Variants in PLEKHM1 observed in about 807,000 individuals in gnomAD.
PLEKHM1 encodes pleckstrin homology domain-containing family M member 1.
A neutral mutation model predicts 94.3 loss-of-function variants in PLEKHM1; 28 were observed. That is an observed-to-expected ratio of 0.30 (90% CI 0.22 to 0.41). PLEKHM1 has a LOEUF of 0.41. PLEKHM1 is among the 10% of genes least tolerant of loss of function. PLEKHM1 has a pLI of 1.00. For missense variants in PLEKHM1, 907 were observed against 1,358.6 expected, an observed-to-expected ratio of 0.67 and a Z score of 5.22; for synonymous variants, 424 against 581.2, an observed-to-expected ratio of 0.73 and a Z score of 3.89.
At position 45,475,351 on chromosome 17, in the gene PLEKHM1, G is replaced by C. The variant is rs12452076; in HGVS notation, c.672C>G (p.Ser224=). The part of the protein sequence containing the change: ...LQRKESLDSI[S]HSSGSEDIEV... Reference sequence around the variant, plus strand: ...CGATGTCTTCAGAGCCTGAAGAATGGGAAATGGAATCCAGAGATTCCTTCC... The same window carrying C: ...CGATGTCTTCAGAGCCTGAAGAATGCGAAATGGAATCCAGAGATTCCTTCC... The change falls in exon 4 of 12, where the codon TCC becomes TCG. Residue 224 remains serine, a synonymous_variant. Transcript: ENST00000430334. 0.16 allele frequency: 255,449 copies of C among 1,613,056 alleles called. 22,931 individuals are homozygous for C. Among genetic ancestry groups the C allele is most frequent in the Middle Eastern group, 0.2 (1,179 of 6,028 alleles).
chr17:45,484,463 C>T (rs1383594952), intron 1 of PLEKHM1, among the ~76,000 whole-genome samples: 1 of 152,202 alleles, frequency 6.6e-6, no homozygotes, highest in Non-Finnish European at 1.5e-5. Flanking sequence ...CTTTTTCAGC[C>T]AATTGCCAAT....
In PLEKHM1 at chr17:45,458,850, C is replaced by T. The variant is rs977924727; in HGVS notation, c.1309-411G>A. Among the ~76,000 whole-genome samples the T allele has an allele frequency of 1.8e-4, 27 of 150,100 alleles. 1 individual carries two copies. Among genetic ancestry groups the T allele is most frequent in the South Asian group, 6.4e-4 (3 of 4,676 alleles). On this transcript the variant is annotated intron_variant, in intron 5 of 11. Transcript: ENST00000430334. ...ATTAACCCACTTAAAGTATGTAATTCGGCCAGCCATGGTGGCTCACACCTG... is the reference window on the plus strand; with the variant it reads ...ATTAACCCACTTAAAGTATGTAATTTGGCCAGCCATGGTGGCTCACACCTG...
At position 45,450,760 on chromosome 17, in the gene PLEKHM1, C is replaced by T; in HGVS notation, c.2501G>A (p.Cys834Tyr). Reference protein sequence around the residue: ...LDSQGCFCAGCSRQIGFSFVR... With the variant: ...LDSQGCFCAGYSRQIGFSFVR... Reference sequence around the variant, plus strand: ...AAAGGAGAAGCCGATCTGCCGGGAGCAGCCTGGGGAGATGGGTGGAGAGTG... The same window carrying T: ...AAAGGAGAAGCCGATCTGCCGGGAGTAGCCTGGGGAGATGGGTGGAGAGTG... Residue 834 changes from cysteine to tyrosine, a missense_variant, in exon 8 of 12, where the codon TGC becomes TAC. By Grantham distance (194) the Cys-to-Tyr change is radical. Coordinates refer to ENST00000430334, the MANE Select transcript of PLEKHM1 (RefSeq NM_014798.3). The T allele has an allele frequency of 2.0e-6, 3 of 1,536,252 alleles. No individual in the cohort carries two copies. Among genetic ancestry groups the T allele is most frequent in the Non-Finnish European group, 2.7e-6 (3 of 1,131,174 alleles).
chr17:45,462,140 C>T (rs2051170487), intron 5 of PLEKHM1, among the ~76,000 whole-genome samples: 1 of 152,168 alleles, frequency 6.6e-6, no homozygotes, highest in Non-Finnish European at 1.5e-5. Flanking sequence ...TGCTACACGA[C>T]TCCTCAAGCC....
intron 1 of PLEKHM1, among the ~76,000 whole-genome samples, chr17:45,486,133 C>T (rs1258554972): frequency 2.0e-5 from 3 of 148,432 alleles, no homozygotes; most frequent in East Asian, 2.0e-4. Context: ...AGGAGAATGG[C>T]GTGAACCTGG....
At chr17:45,483,563 C>A (rs1250850509) in intron 1 of PLEKHM1, among the ~76,000 whole-genome samples, 1 of 152,094 alleles carries the variant, frequency 6.6e-6, no homozygotes, top group Non-Finnish European at 1.5e-5. Flanking sequence ...AAACAAATCT[C>A]TAGCCAACTC....
At position 45,453,199 on chromosome 17, in the gene PLEKHM1, C is replaced by T; in HGVS notation, c.2497+156G>A. 1.5e-6 allele frequency: 1 copy of T among 682,198 alleles called. No individual in the cohort carries two copies. The highest frequency in any genetic ancestry group is 2.7e-6 in the Non-Finnish European group (1 of 372,778). 42.3% of individuals were successfully genotyped at this position (682,198 alleles called of 1,614,324 possible). Reference sequence around the variant, plus strand: ...GGCCCCAGCCGGGGCTGGGGAGGAGCAGAAGCTGTAGGGCAAGCCTGATCT... The same window carrying T: ...GGCCCCAGCCGGGGCTGGGGAGGAGTAGAAGCTGTAGGGCAAGCCTGATCT... On this transcript the variant is annotated intron_variant, in intron 7 of 11. Coordinates refer to ENST00000430334, the MANE Select transcript of PLEKHM1 (RefSeq NM_014798.3). The surrounding 1 kb of genome is among the most constrained non-coding windows in gnomAD (Gnocchi z 4.1).
rs1469933187 is a variant in PLEKHM1 at position 45,490,674 on chromosome 17, G to A, written c.-64C>T. On this transcript the variant is annotated 5_prime_UTR_variant, in exon 1 of 12. Coordinates refer to ENST00000430334, the MANE Select transcript of PLEKHM1 (RefSeq NM_014798.3). ...CACCAAGCGGAGCGAGGAGCGAGGCGAGGGGCGCTCCCGGCCGCGGCAGCC... is the reference window on the plus strand; with the variant it reads ...CACCAAGCGGAGCGAGGAGCGAGGCAAGGGGCGCTCCCGGCCGCGGCAGCC... The A allele has an allele frequency of 2.2e-6, 1 of 450,932 alleles. No homozygotes were observed. The highest frequency in any genetic ancestry group is 2.4e-5 in the Admixed American group (1 of 42,382). 27.9% of individuals were successfully genotyped at this position (450,932 alleles called of 1,614,324 possible).
At chr17:45,470,566 C>A (rs1314724243) in intron 4 of PLEKHM1, among the ~76,000 whole-genome samples, 2 of 151,792 alleles carry the variant, frequency 1.3e-5, no homozygotes, top group Non-Finnish European at 2.9e-5. Context: ...GACGGGGAGG[C>A]TGCAGTGAGC....
At chr17:45,476,478 G>A (rs1255454579) in intron 3 of PLEKHM1, among the ~76,000 whole-genome samples, 1 of 152,080 alleles carries the variant, frequency 6.6e-6, no homozygotes, top group Non-Finnish European at 1.5e-5. Flanking sequence ...AAAGTGGGTG[G>A]TTTGGTTGCA....
At chr17:45,487,202 A>G (rs2052158100) in intron 1 of PLEKHM1, among the ~76,000 whole-genome samples, 1 of 152,192 alleles carries the variant, frequency 6.6e-6, no homozygotes. Context: ...TCGCCTTCAC[A>G]TAGCTCTCCA....
At chr17:45,461,600 G>A (rs2145253850) in intron 5 of PLEKHM1, among the ~76,000 whole-genome samples, 1 of 152,194 alleles carries the variant, frequency 6.6e-6, no homozygotes, top group Non-Finnish European at 1.5e-5. Flanking sequence ...TTTTGCATGT[G>A]GGTATTCAGC....
At chr17:45,438,832 C>T (rs2145154507) in intron 11 of PLEKHM1, among the ~76,000 whole-genome samples, 1 of 152,298 alleles carries the variant, frequency 6.6e-6, no homozygotes, top group Non-Finnish European at 1.5e-5. Context: ...TGTGGGATTA[C>T]AGGCGTGAGC....
rs2051817871 is a variant in PLEKHM1, at chr17:45,478,140, T to C, written c.56A>G (p.Lys19Arg). The C allele has an allele frequency of 6.2e-7, 1 of 1,614,098 alleles. No homozygotes were observed. Among genetic ancestry groups the C allele is most frequent in the Non-Finnish European group, 8.5e-7 (1 of 1,180,052 alleles). The change falls in exon 3 of 12, where the codon AAG becomes AGG. Residue 19 changes from lysine (K) to arginine (R), a missense_variant. Physicochemically the swap from Lys to Arg is conservative, Grantham distance 26. Coordinates refer to ENST00000430334, the MANE Select transcript of PLEKHM1 (RefSeq NM_014798.3). ...LDPQAAIPVI[K>R]KKLVGSVKAL... Reference sequence around the variant, plus strand: ...CTTCACGGATCCCACCAGCTTCTTCTTGATGACCTAGGCAGCACCACACAG... The same window carrying C: ...CTTCACGGATCCCACCAGCTTCTTCCTGATGACCTAGGCAGCACCACACAG...
chr17:45,446,047 C>T (rs1014795051), intron 8 of PLEKHM1: 2 of 342,948 alleles, frequency 5.8e-6, no homozygotes, highest in Admixed American at 8.9e-5. Context: ...CAGGCACTCC[C>T]TTCTGTGCCC....
chr17:45,479,970 GT>G, intron 2 of PLEKHM1, among the ~76,000 whole-genome samples: 1 of 152,320 alleles, frequency 6.6e-6, no homozygotes, highest in South Asian at 2.1e-4. Context: ...GGTTTGAATT[GT>G]TGGGTGATAG....
In PLEKHM1 at chr17:45,453,887, G is replaced by A. The variant is rs563592720; in HGVS notation, c.1965C>T (p.Leu655=). Residue 655 remains leucine, a synonymous_variant, in exon 7 of 12, where the codon CTC becomes CTT. Coordinates refer to ENST00000430334, the MANE Select transcript of PLEKHM1 (RefSeq NM_014798.3). This position sits in a 1 kb window ranked among gnomAD's most constrained non-coding sequence, Gnocchi z 4.1. The part of the protein sequence containing the change: ...EEPPEAPQGC[L]SPSDLLSEPA... ...GCTCCGAGAGCAGGTCTGAGGGAGA[G>A]AGGCAGCCCTGGGGCGCCTCGGGGG... The A allele has an allele frequency of 1.2e-6, 2 of 1,613,922 alleles. No individual in the cohort carries two copies. The highest frequency in any genetic ancestry group is 2.2e-5 in the East Asian group (1 of 44,882).
Position 45,439,894 on chromosome 17 carries a change from C to A in PLEKHM1, c.2902-260G>T. The stretch of plus-strand genomic sequence containing the variant: ...ATAGCTGAGACCCAAATTCACTGTA[C>A]CCTCCCCTTGGGGAAAGGAGTATTC... On this transcript the variant is annotated intron_variant, in intron 10 of 11. Coordinates refer to ENST00000430334, the MANE Select transcript of PLEKHM1 (RefSeq NM_014798.3). 4.7e-6 allele frequency: 3 copies of A among 642,516 alleles called. No individual in the cohort carries two copies. In the South Asian group the frequency reaches 5.5e-5, roughly 12 times the overall value. 39.8% of individuals were successfully genotyped at this position (642,516 alleles called of 1,614,324 possible). A position where few individuals can be genotyped will look rare whatever the true frequency, so the allele number is the denominator to read the frequency against.
Position 45,436,197 on chromosome 17 carries a change from A to G in PLEKHM1, c.*1661T>C. ...ATCCTCACAGGCCCAAGCCCTCCCC[A>G]GGCCAGGCTCCTGCCCACTCAGGGA... On this transcript the variant is annotated 3_prime_UTR_variant, in exon 12 of 12. Coordinates refer to ENST00000430334, the MANE Select transcript of PLEKHM1 (RefSeq NM_014798.3). 8.8e-6 allele frequency: 4 copies of G among 454,378 alleles called. No homozygotes were observed. The highest frequency in any genetic ancestry group is 6.2e-5 in the South Asian group (4 of 64,490). The allele number at this position is 454,378 out of a possible 1,614,324, so 28.1% of individuals were successfully genotyped here.
Sources: gnomAD v4.1 joint callset for allele counts (sites outside exome capture counted in the v4.1 genomes callset) on GRCh38, gnomAD v4.1.1 for gene constraint, Gnocchi (gnomAD v3.1) non-coding constraint, MANE v1.5 for transcripts, NCBI Gene and HGNC (gene_info 2026-07-23, HGNC 2026-07-21) for gene names.